Variants in SGCZ observed in about 807,000 individuals in gnomAD.
SGCZ encodes sarcoglycan zeta.
A neutral mutation model predicts 41.3 loss-of-function variants in SGCZ; 40 were observed. The ratio of observed to expected loss-of-function variants is 0.97; its 90% confidence interval spans 0.75 to 1.26. The LOEUF is 1.26. Ranked by LOEUF, SGCZ falls within the 50% of genes most tolerant of loss-of-function variation. The pLI, the probability that SGCZ is intolerant of heterozygous loss-of-function variation, is 0.00. For synonymous variants in SGCZ, 206 were observed against 137.5 expected (o/e 1.50, Z -3.49); for missense variants, 552 against 369.8 (o/e 1.49, Z -4.04).
chr8:14,254,081 G>C (rs1241718878), intron 3 of SGCZ, among the ~76,000 whole-genome samples: 1 of 151,930 alleles, frequency 6.6e-6, no homozygotes, highest in Non-Finnish European at 1.5e-5. Flanking sequence ...CTTAAATTGG[G>C]CACTAAAATC....
chr8:14,763,374 C>G (rs150023918), intron 1 of SGCZ, among the ~76,000 whole-genome samples: 2 of 152,256 alleles, frequency 1.3e-5, no homozygotes, highest in Admixed American at 1.3e-4. Context: ...AGTCCAAAAT[C>G]TCTCACATCT....
At chr8:14,144,740 G>A (rs1174562335) in intron 5 of SGCZ, among the ~76,000 whole-genome samples, 1 of 152,136 alleles carries the variant, frequency 6.6e-6, no homozygotes, top group Non-Finnish European at 1.5e-5. Context: ...TGGGCCAGAG[G>A]GGAGCCTATT....
intron 2 of SGCZ, among the ~76,000 whole-genome samples, chr8:14,513,760 C>T (rs564569160): frequency 1.7e-3 from 263 of 152,190 alleles, no homozygotes; most frequent in Non-Finnish European, 2.5e-3. Context: ...TGTTTGGCAA[C>T]GTATTTTAAT....
chr8:14,347,865 C>T (rs1402629720), intron 2 of SGCZ, among the ~76,000 whole-genome samples: 2 of 152,100 alleles, frequency 1.3e-5, no homozygotes, highest in African/African-American at 2.4e-5. Flanking sequence ...TACATGTACT[C>T]AGGTTGTAAC....
At chr8:14,145,468 G>A (rs1001323848) in intron 5 of SGCZ, among the ~76,000 whole-genome samples, 5 of 152,108 alleles carry the variant, frequency 3.3e-5, no homozygotes, top group African/African-American at 1.2e-4. Context: ...AGAGAAGAAT[G>A]GCTACAATAA....
chr8:14,096,138 A>G (rs752472706), intron 7 of SGCZ, among the ~76,000 whole-genome samples: 2 of 152,040 alleles, frequency 1.3e-5, no homozygotes, highest in African/African-American at 2.4e-5. Context: ...TTCCAATACT[A>G]TGTTGAATGG....
chr8:14,986,415 T>C (rs1310937382), intron 1 of SGCZ, among the ~76,000 whole-genome samples: 3 of 152,074 alleles, frequency 2.0e-5, no homozygotes, highest in Admixed American at 1.3e-4. Flanking sequence ...CGCACAGCAT[T>C]TTCACCATTG....
At chr8:14,845,647 A>T (rs1803074061) in intron 1 of SGCZ, among the ~76,000 whole-genome samples, 1 of 152,206 alleles carries the variant, frequency 6.6e-6, no homozygotes, top group Admixed American at 6.5e-5. Context: ...TGGAAAAACG[A>T]TGCCCAAATT....
intron 1 of SGCZ, among the ~76,000 whole-genome samples, chr8:14,916,863 A>G (rs1041359928): frequency 1.3e-5 from 2 of 152,186 alleles, no homozygotes; most frequent in African/African-American, 4.8e-5. Context: ...TATTTTTTAA[A>G]AAAAACAATG....
chr8:15,092,029 T>C (rs532379465), intron 1 of SGCZ, among the ~76,000 whole-genome samples: 3 of 152,262 alleles, frequency 2.0e-5, no homozygotes, highest in South Asian at 2.1e-4. Flanking sequence ...CCTGGAATTA[T>C]AGGATGAGGC....
intron 1 of SGCZ, among the ~76,000 whole-genome samples, chr8:14,709,540 G>C (rs987266254): frequency 1.4e-4 from 22 of 152,122 alleles, no homozygotes; most frequent in Non-Finnish European, 2.8e-4. Context: ...TCAGTCAATA[G>C]GTTTGCTAAT....
intron 3 of SGCZ, among the ~76,000 whole-genome samples, chr8:14,258,446 T>A (rs1276142402): frequency 6.6e-6 from 1 of 152,104 alleles, no homozygotes; most frequent in African/African-American, 2.4e-5. Context: ...AAAAGATAGG[T>A]CACAACTCTG....
chr8:14,191,179 A>C (rs1373716705), intron 4 of SGCZ, among the ~76,000 whole-genome samples: 1 of 152,014 alleles, frequency 6.6e-6, no homozygotes, highest in African/African-American at 2.4e-5. Flanking sequence ...CCCATTTTTA[A>C]ATTGGGTTAT....
At chr8:14,846,887 C>G (rs114462692) in intron 1 of SGCZ, among the ~76,000 whole-genome samples, 3 of 151,530 alleles carry the variant, frequency 2.0e-5, no homozygotes, top group Admixed American at 6.6e-5. Context: ...CTGGGCAACT[C>G]GGTGAAACGA....
intron 2 of SGCZ, among the ~76,000 whole-genome samples, chr8:14,357,943 T>G (rs1803354643): frequency 1.3e-5 from 2 of 152,186 alleles, no homozygotes; most frequent in Admixed American, 6.5e-5. Context: ...ACAAACTTTC[T>G]TGAGCACAGA....
intron 5 of SGCZ, among the ~76,000 whole-genome samples, chr8:14,149,585 G>T (rs1187982007): frequency 6.7e-6 from 1 of 149,108 alleles, no homozygotes; most frequent in East Asian, 2.0e-4. Context: ...TTGTTAAAAA[G>T]TTCATACCAC....
chr8:15,151,772 A>G (rs1456712038), intron 1 of SGCZ, among the ~76,000 whole-genome samples: 1 of 152,230 alleles, frequency 6.6e-6, no homozygotes, highest in Non-Finnish European at 1.5e-5. Flanking sequence ...CTGAATAAAT[A>G]TATTGAATTA....
intron 1 of SGCZ, among the ~76,000 whole-genome samples, chr8:14,703,595 T>C (rs1809239550): frequency 6.6e-6 from 1 of 152,026 alleles, no homozygotes; most frequent in Admixed American, 6.6e-5. Flanking sequence ...GTATATACTC[T>C]ATATATGTTG....
intron 1 of SGCZ, among the ~76,000 whole-genome samples, chr8:14,877,612 A>G (rs1474193574): frequency 6.6e-6 from 1 of 152,042 alleles, no homozygotes; most frequent in African/African-American, 2.4e-5. Flanking sequence ...TTAAAGGCAT[A>G]AAAAATAATA....
Sources: gnomAD v4.1 joint callset for allele counts (sites outside exome capture counted in the v4.1 genomes callset) on GRCh38, gnomAD v4.1.1 for gene constraint, MANE v1.5 for transcripts, NCBI Gene and HGNC (gene_info 2026-07-23, HGNC 2026-07-21) for gene names.